Variants in MAPK8IP3 observed in about 807,000 individuals in gnomAD.
MAPK8IP3 encodes mitogen-activated protein kinase 8 interacting protein 3.
A neutral mutation model predicts 157.8 loss-of-function variants in MAPK8IP3; 49 were observed. The observed-to-expected ratio is 0.31, with a 90% CI of 0.25 to 0.39. The LOEUF (loss-of-function observed/expected upper bound fraction) is 0.39, where lower values mean the gene tolerates loss of function less well. Among genes scored for constraint, MAPK8IP3 ranks in the 10% least tolerant of loss-of-function variants. MAPK8IP3 has a pLI of 1.00. For synonymous variants in MAPK8IP3, 897 were observed against 777.7 expected (o/e 1.15, Z -2.55); for missense variants, 1,478 against 1,889.4 (o/e 0.78, Z 4.04).
intron 8 of MAPK8IP3, among the ~76,000 whole-genome samples, chr16:1,757,900 C>T (rs996619513): frequency 6.6e-6 from 1 of 152,220 alleles, no homozygotes; most frequent in African/African-American, 2.4e-5. Context: ...GCTTCCGGGT[C>T]AGGGCTCGGC....
Position 1,768,243 on chromosome 16 carries a change from G to A in MAPK8IP3, c.3607G>A (p.Gly1203Ser). The A allele has an allele frequency of 1.9e-6, 3 of 1,612,452 alleles. No individual in the cohort carries two copies. The highest frequency in any genetic ancestry group is 2.5e-6 in the Non-Finnish European group (3 of 1,179,986). The change falls in exon 30 of 32, where the codon GGC becomes AGC. Residue 1203 changes from glycine (G) to serine (S), a missense_variant. This residue lies in a region of MAPK8IP3 where 83 missense variants were observed against 85.3 expected (regional missense o/e 0.97). Coordinates refer to ENST00000610761, the MANE Select transcript of MAPK8IP3 (RefSeq NM_001318852.2). ...PTSGEGARPG[G>S]IIHVYGDDSS... Reference sequence around the variant, plus strand: ...CTCTGGGGAGGGCGCCCGTCCCGGGGGCATCATCCACGTGTATGGCGATGA... The same window carrying A: ...CTCTGGGGAGGGCGCCCGTCCCGGGAGCATCATCCACGTGTATGGCGATGA...
chr16:1,766,078 C>T lies in MAPK8IP3; in HGVS notation c.2565C>T (p.Arg855=). ...AGITLVGCAT[R]CNVPRSNCSS... is the part of the protein sequence containing the mutation. ...TCACCCTGGTGGGCTGTGCCACCCG[C>T]TGCAACGTGCCGCGGAGCAACTGCT... The change falls in exon 21 of 32, where the codon CGC becomes CGT. Residue 855 remains arginine, a synonymous_variant. Transcript: ENST00000610761. 3 of 1,612,854 alleles carry T rather than the reference C, an allele frequency of 1.9e-6. No individual in the cohort carries two copies. The highest frequency in any genetic ancestry group is 2.5e-6 in the Non-Finnish European group (3 of 1,179,948).
chr16:1,738,473 A>T (rs1347640013), intron 4 of MAPK8IP3, among the ~76,000 whole-genome samples: 2 of 79,906 alleles, frequency 2.5e-5, no homozygotes, highest in Non-Finnish European at 4.6e-5. Flanking sequence ...CGTCCGTGTG[A>T]GCATCCGTGT....
intron 2 of MAPK8IP3, among the ~76,000 whole-genome samples, chr16:1,725,572 A>C (rs904735112): frequency 1.3e-5 from 2 of 151,474 alleles, no homozygotes; most frequent in Non-Finnish European, 2.9e-5. Context: ...GGTTGCAGTG[A>C]GCCAAGATCG....
At chr16:1,737,577 A>T (rs1175695910) in intron 4 of MAPK8IP3, among the ~76,000 whole-genome samples, 1 of 83,088 alleles carries the variant, frequency 1.2e-5, no homozygotes, top group African/African-American at 5.2e-5. Context: ...CATCTGTGTG[A>T]CCGTCCGTGA....
At chr16:1,714,538 T>G (rs1247069626) in intron 1 of MAPK8IP3, among the ~76,000 whole-genome samples, 1 of 152,198 alleles carries the variant, frequency 6.6e-6, no homozygotes, top group Non-Finnish European at 1.5e-5. Flanking sequence ...AACAACCAGA[T>G]TCAAAACTTG....
intron 2 of MAPK8IP3, among the ~76,000 whole-genome samples, chr16:1,728,805 G>GC (rs1407204567): frequency 5.0e-5 from 7 of 140,192 alleles, no homozygotes; most frequent in Non-Finnish European, 7.5e-5. Context: ...GCACACAGCA[G>GC]CCCCCCAGAC....
In MAPK8IP3 at chr16:1,748,290, C is replaced by T; in HGVS notation, c.1041C>T (p.Asp347=). 5 of 1,614,042 alleles carry T rather than the reference C, an allele frequency of 3.1e-6. No homozygotes were observed. The highest frequency in any genetic ancestry group is 4.2e-6 in the Non-Finnish European group (5 of 1,180,024). Residue 347 remains aspartate (D), a synonymous_variant, in exon 7 of 32, where the codon GAC becomes GAT. Transcript: ENST00000610761. The stretch of plus-strand genomic sequence containing the variant: ...GGTCTGATGTTCAAGACATTATTGA[C>T]TCCACGCCAGAGCTGGACATGTGTC... The part of the protein sequence containing the change: ...DEWSDVQDII[D]STPELDMCPE...
Position 1,724,698 on chromosome 16 carries a change from T to TGGA in MAPK8IP3, c.439+24_439+26dup. 2 of 1,605,710 alleles carry TGGA rather than the reference T, an allele frequency of 1.2e-6. No individual in the cohort carries two copies. Among genetic ancestry groups the TGGA allele is most frequent in the Non-Finnish European group, 1.7e-6 (2 of 1,174,806 alleles). ...TCAGAGTAAGTGGCTGGCGGGAGCC[T>TGGA]GGAGGCGCGCTTGATGGGCGCTGCT... On this transcript the variant is annotated intron_variant, in intron 2 of 31. Coordinates refer to ENST00000610761, the MANE Select transcript of MAPK8IP3 (RefSeq NM_001318852.2). The surrounding 1 kb of genome is among the most constrained non-coding windows in gnomAD (Gnocchi z 4.1).
In MAPK8IP3 at chr16:1,743,359, C is replaced by T. The variant is rs776147071; in HGVS notation, c.630C>T (p.Asn210=). The T allele has an allele frequency of 5.7e-6, 9 of 1,574,250 alleles. No homozygotes were observed. The highest frequency in any genetic ancestry group is 2.5e-5 in the East Asian group (1 of 40,450). The change falls in exon 5 of 32, where the codon AAC becomes AAT. Residue 210 remains asparagine (N), a synonymous_variant. Transcript: ENST00000610761. This position sits in a 1 kb window ranked among gnomAD's most constrained non-coding sequence, Gnocchi z 5.6. The stretch of plus-strand genomic sequence containing the variant: ...GGAAGGAGCGCCCCACCTCCCTGAA[C>T]GTGTTCCCCCTGGCTGACGGCACGG... The part of the protein sequence containing the change: ...RSRKERPTSL[N]VFPLADGTVR...
intron 1 of MAPK8IP3, among the ~76,000 whole-genome samples, chr16:1,714,388 G>T (rs532933453): frequency 3.2e-4 from 49 of 152,326 alleles, no homozygotes; most frequent in African/African-American, 9.4e-4. Flanking sequence ...CATTACTCTG[G>T]TGCATTTTCT....
chr16:1,742,448 A>G lies in MAPK8IP3; in HGVS notation c.603-884A>G, dbSNP rs910302892. On this transcript the variant is annotated intron_variant, in intron 4 of 31. Coordinates refer to ENST00000610761, the MANE Select transcript of MAPK8IP3 (RefSeq NM_001318852.2). The surrounding 1 kb of genome is among the most constrained non-coding windows in gnomAD (Gnocchi z 5.0). ...CAGGTTCGGGGCTCCCTGACAGCAG[A>G]GAGGACACGTGGGGAGGGAGAAGAC... Among the ~76,000 whole-genome samples the G allele has an allele frequency of 6.6e-6, 1 of 152,186 alleles. No individual in the cohort carries two copies. Among genetic ancestry groups the G allele is most frequent in the Admixed American group, 6.5e-5 (1 of 15,278 alleles).
In MAPK8IP3 at chr16:1,743,622, A is replaced by G; in HGVS notation, c.747+146A>G. On this transcript the variant is annotated intron_variant, in intron 5 of 31. Transcript: ENST00000610761. The surrounding 1 kb of genome is among the most constrained non-coding windows in gnomAD (Gnocchi z 5.6). ...CCTTCGTGTGTGGCAGGATGGAGAAACCCAGCCAGGGTGTCAGGGGCTCAG... is the reference window on the plus strand; with the variant it reads ...CCTTCGTGTGTGGCAGGATGGAGAAGCCCAGCCAGGGTGTCAGGGGCTCAG... 2 of 1,447,946 alleles carry G rather than the reference A, an allele frequency of 1.4e-6. No individual in the cohort carries two copies. Among genetic ancestry groups the G allele is most frequent in the Non-Finnish European group, 1.8e-6 (2 of 1,108,030 alleles). 89.7% of individuals were successfully genotyped at this position (1,447,946 alleles called of 1,614,324 possible).
At position 1,739,783 on chromosome 16, in the gene MAPK8IP3, CAT is replaced by C. The variant is rs551006451; in HGVS notation, c.603-3548_603-3547del. ...CCGTCCATGTGAGCGTGTCACCGTC[CAT>C]GTGAGCATCCGTGTGACCATCCGTG... On this transcript the variant is annotated intron_variant, in intron 4 of 31. Coordinates refer to ENST00000610761, the MANE Select transcript of MAPK8IP3 (RefSeq NM_001318852.2). Among the ~76,000 whole-genome samples, 56 of 110,040 alleles carry C rather than the reference CAT, an allele frequency of 5.1e-4. 1 individual carries two copies. Among genetic ancestry groups the C allele is most frequent in the African/African-American group, 1.9e-3 (51 of 27,376 alleles). 72.2% of individuals were successfully genotyped at this position (110,040 alleles called of 152,430 possible).
At chr16:1,732,213 G>A (rs551779342) in intron 4 of MAPK8IP3, among the ~76,000 whole-genome samples, 10 of 152,314 alleles carry the variant, frequency 6.6e-5, no homozygotes, top group Admixed American at 3.3e-4. Context: ...AGAAGCTGCC[G>A]TCCTACAGAG....
At chr16:1,740,393 ACCGT>A (rs1338231596) in intron 4 of MAPK8IP3, among the ~76,000 whole-genome samples, 4 of 149,474 alleles carry the variant, frequency 2.7e-5, no homozygotes, top group Admixed American at 1.3e-4. Flanking sequence ...TAAGCGTGTG[ACCGT>A]CCGTGTGAGC....
rs776679589 is a variant in MAPK8IP3, at chr16:1,767,240, G to A, written c.3180G>A (p.Val1060=). Residue 1060 remains valine, a synonymous_variant, in exon 26 of 32, where the codon GTG becomes GTA. Transcript: ENST00000610761. ...IRCMAVVYDR[V]WCGYKNKVHV... ...GCATGGCTGTTGTGTACGACCGCGT[G>A]TGGTGTGGCTACAAGAACAAGGTGC... 5 of 1,613,370 alleles carry A rather than the reference G, an allele frequency of 3.1e-6. No individual in the cohort carries two copies. The highest frequency in any genetic ancestry group is 3.3e-5 in the Admixed American group (2 of 60,004).
At chr16:1,728,971 A>G (rs949660567) in intron 2 of MAPK8IP3, among the ~76,000 whole-genome samples, 167 bp from the exon 3 acceptor site, 10 of 151,956 alleles carry the variant, frequency 6.6e-5, no homozygotes, top group African/African-American at 1.2e-4. Context: ...CACAACGCAC[A>G]CAGCAGTCTC....
intron 22 of MAPK8IP3, 22 bp downstream of exon 22, chr16:1,766,431 G>A (rs772097995): frequency 1.2e-6 from 2 of 1,606,270 alleles, no homozygotes; most frequent in Non-Finnish European, 1.7e-6. Context: ...GGCTGGGGCA[G>A]GAGCAGAGGG....
Sources: allele counts gnomAD v4.1 joint callset (sites outside exome capture counted in the v4.1 genomes callset), GRCh38; gene constraint gnomAD v4.1.1; regional missense constraint gnomAD v4.1.1; non-coding constraint Gnocchi (gnomAD v3.1); transcripts MANE v1.5; gene names NCBI Gene and HGNC (gene_info 2026-07-23, HGNC 2026-07-21).